Variants in RGS6 observed in about 807,000 individuals in gnomAD.
The protein encoded by RGS6 is regulator of G-protein signaling 6.
A neutral mutation model predicts 78.5 loss-of-function variants in RGS6; 30 were observed. The observed-to-expected ratio is 0.38, with a 90% CI of 0.29 to 0.52. The LOEUF is 0.52. Among genes scored for constraint, RGS6 ranks in the 20% least tolerant of loss-of-function variants. RGS6 has a pLI of 0.85. For missense variants in RGS6, 495 were observed against 609.7 expected (o/e 0.81, Z 1.98); for synonymous variants, 206 against 206.0 (o/e 1.00, Z 0.00).
chr14:72,382,106 C>T (rs909120541), intron 3 of RGS6, among the ~76,000 whole-genome samples: 14 of 151,866 alleles, frequency 9.2e-5, no homozygotes, highest in Admixed American at 2.6e-4. Context: ...AATTTAGTCA[C>T]CTGCATTAAT....
intron 2 of RGS6, among the ~76,000 whole-genome samples, chr14:72,241,055 A>G (rs1218047911): frequency 6.6e-6 from 1 of 151,294 alleles, no homozygotes; most frequent in Non-Finnish European, 1.5e-5. Context: ...TACTCGGGAG[A>G]CTGAGGCAGG....
chr14:72,334,334 C>T (rs997081797), intron 2 of RGS6, among the ~76,000 whole-genome samples: 2 of 152,216 alleles, frequency 1.3e-5, no homozygotes, highest in Admixed American at 1.3e-4. Flanking sequence ...AAAGAGCCTT[C>T]CTATATGTCT....
chr14:72,479,680 C>T (rs374130480), intron 12 of RGS6, among the ~76,000 whole-genome samples: 3 of 152,288 alleles, frequency 2.0e-5, no homozygotes, highest in Admixed American at 6.5e-5. Context: ...GCAGAATCAC[C>T]TCATACCTCC....
At chr14:72,214,092 G>T (rs371754784) in intron 2 of RGS6, among the ~76,000 whole-genome samples, 2 of 137,598 alleles carry the variant, frequency 1.5e-5, no homozygotes, top group African/African-American at 5.4e-5. Context: ...TATGCATTTT[G>T]AGTTACATTA....
Position 72,562,513 on chromosome 14 carries a change from G to T in RGS6, c.*46G>T. On this transcript the variant is annotated 3_prime_UTR_variant, in exon 18 of 18. Coordinates refer to ENST00000553525, the MANE Select transcript of RGS6 (RefSeq NM_001204424.2). ...GGGCCTGGGCCCGCGGACCCCACAG[G>T]CAGGCGGCGGCGCTCCACATCTGCG... is the stretch of plus-strand genomic sequence containing the variant. The T allele has an allele frequency of 6.2e-7, 1 of 1,606,388 alleles. No homozygotes were observed. Among genetic ancestry groups the T allele is most frequent in the Non-Finnish European group, 8.5e-7 (1 of 1,179,490 alleles).
At chr14:72,424,326 A>C (rs781487277) in intron 3 of RGS6, among the ~76,000 whole-genome samples, 3 of 152,202 alleles carry the variant, frequency 2.0e-5, no homozygotes, top group Admixed American at 6.5e-5. Flanking sequence ...GTTTCACTTA[A>C]AAAGAAAAAT....
intron 2 of RGS6, among the ~76,000 whole-genome samples, chr14:72,019,501 C>T (rs1198285904): frequency 6.6e-6 from 1 of 152,212 alleles, no homozygotes; most frequent in Non-Finnish European, 1.5e-5. Flanking sequence ...ACCATTAGCA[C>T]TTCCTTCTGA....
At chr14:72,424,846 C>G (rs1183676667) in intron 3 of RGS6, among the ~76,000 whole-genome samples, 1 of 152,184 alleles carries the variant, frequency 6.6e-6, no homozygotes, top group Non-Finnish European at 1.5e-5. Flanking sequence ...TTTCCCTGTG[C>G]AGATGGTCTT....
At chr14:72,545,279 TG>T (rs1364506948) in intron 17 of RGS6, among the ~76,000 whole-genome samples, 1 of 152,228 alleles carries the variant, frequency 6.6e-6, no homozygotes, top group Non-Finnish European at 1.5e-5. Context: ...TGGCCCTGGC[TG>T]GAGCTGGAGG....
chr14:72,482,141 T>A (rs1229600181), intron 12 of RGS6, among the ~76,000 whole-genome samples: 1 of 152,170 alleles, frequency 6.6e-6, no homozygotes, highest in Non-Finnish European at 1.5e-5. Flanking sequence ...GCAGTGTTTC[T>A]TAAATATGGT....
At chr14:72,022,726 G>A (rs1223054826) in intron 2 of RGS6, among the ~76,000 whole-genome samples, 3 of 151,172 alleles carry the variant, frequency 2.0e-5, no homozygotes, top group Non-Finnish European at 4.4e-5. Context: ...GCTGGCTCAG[G>A]ATTCTTTCAT....
intron 2 of RGS6, among the ~76,000 whole-genome samples, chr14:72,106,641 G>T (rs952440738): frequency 2.0e-4 from 30 of 152,124 alleles, no homozygotes; most frequent in African/African-American, 7.0e-4. Flanking sequence ...TCACTGAATT[G>T]CATATCCCTA....
the RGS6 span, among the ~76,000 whole-genome samples, chr14:72,587,179 T>A: frequency 6.6e-6 from 1 of 152,140 alleles, no homozygotes; most frequent in African/African-American, 2.4e-5. Flanking sequence ...ATCTAACTCA[T>A]GCCAAGCCCC....
At chr14:72,370,373 G>T (rs2083255517) in intron 3 of RGS6, among the ~76,000 whole-genome samples, 1 of 152,160 alleles carries the variant, frequency 6.6e-6, no homozygotes, top group Non-Finnish European at 1.5e-5. Flanking sequence ...TTGTGGATTT[G>T]CTAGTTTAAA....
intron 4 of RGS6, among the ~76,000 whole-genome samples, chr14:72,458,013 T>C (rs1203818711): frequency 6.6e-6 from 1 of 152,158 alleles, no homozygotes; most frequent in African/African-American, 2.4e-5. Context: ...AAGCCAGACT[T>C]TCTTCTGAAG....
At chr14:72,349,843 C>T (rs1018031844) in intron 2 of RGS6, among the ~76,000 whole-genome samples, 1 of 152,156 alleles carries the variant, frequency 6.6e-6, no homozygotes, top group Non-Finnish European at 1.5e-5. Context: ...CCGGGGTCTA[C>T]CTGAATTGAA....
rs1185725405 is a variant in RGS6, at chr14:72,252,765, G to T, written c.85-99330G>T. Among the ~76,000 whole-genome samples the T allele has an allele frequency of 8.5e-5, 13 of 152,268 alleles. No individual in the cohort carries two copies. In the East Asian group the frequency reaches 2.5e-3, roughly 29 times the overall value. On this transcript the variant is annotated intron_variant, in intron 2 of 17. Coordinates refer to ENST00000553525, the MANE Select transcript of RGS6 (RefSeq NM_001204424.2). ...AAAAATGCATTAACATGAAAATGTT[G>T]AAAACAATGATGCAGTCCAATTATC...
At chr14:71,909,591 A>T in the RGS6 span, among the ~76,000 whole-genome samples, 12 of 125,676 alleles carry the variant, frequency 9.5e-5, no homozygotes, top group African/African-American at 3.1e-4. Context: ...AGAGGGAAAG[A>T]GAGAGACAGA....
intron 2 of RGS6, among the ~76,000 whole-genome samples, chr14:72,184,970 G>A (rs1053524213): frequency 3.9e-5 from 6 of 152,242 alleles, no homozygotes; most frequent in Admixed American, 3.9e-4. Context: ...GAGGAGCAAG[G>A]AAGCCAGTCC....
Sources: allele counts gnomAD v4.1 joint callset (sites outside exome capture counted in the v4.1 genomes callset), GRCh38; gene constraint gnomAD v4.1.1; transcripts MANE v1.5; gene names NCBI Gene and HGNC (gene_info 2026-07-23, HGNC 2026-07-21).